Variants in CDH20 observed in about 807,000 individuals in gnomAD.
CDH20 encodes cadherin 20.
In CDH20, 29 loss-of-function variants were observed where a neutral mutation model predicts 74.2. That is an observed-to-expected ratio of 0.39 (90% CI 0.29 to 0.53). CDH20 has a LOEUF of 0.53. CDH20 is among the 20% of genes least tolerant of loss of function. The probability of loss-of-function intolerance (pLI) is 0.69; values close to 1 mark genes in which losing one functional copy is unlikely to be tolerated. For synonymous variants in CDH20, 469 were observed against 405.4 expected (o/e 1.16, Z -1.88); for missense variants, 988 against 1,048.3 (o/e 0.94, Z 0.79).
chr18:61,411,477 C>A (rs952799435), intron 1 of CDH20, among the ~76,000 whole-genome samples: 3 of 151,988 alleles, frequency 2.0e-5, no homozygotes, highest in Non-Finnish European at 2.9e-5. Context: ...CAGCACAATT[C>A]GCAATTGCAA....
At chr18:61,518,606 C>A (rs1473247696) in intron 6 of CDH20, among the ~76,000 whole-genome samples, 1 of 151,250 alleles carries the variant, frequency 6.6e-6, no homozygotes, top group African/African-American at 2.5e-5. Context: ...ACAGAAACCC[C>A]ATCCAAAGTT....
intron 1 of CDH20, among the ~76,000 whole-genome samples, chr18:61,450,358 G>T (rs1170488151): frequency 1.4e-5 from 2 of 143,742 alleles, no homozygotes; most frequent in South Asian, 4.4e-4. Flanking sequence ...CACAGCCAGA[G>T]GAAAATGAAG....
chr18:61,547,022 C>G (rs1913272271), intron 10 of CDH20, among the ~76,000 whole-genome samples: 1 of 152,180 alleles, frequency 6.6e-6, no homozygotes, highest in South Asian at 2.1e-4. Flanking sequence ...AAGACCCTAT[C>G]TCTGAAAAAC....
At chr18:61,505,983 A>C (rs1208391714) in intron 5 of CDH20, among the ~76,000 whole-genome samples, 2 of 152,178 alleles carry the variant, frequency 1.3e-5, no homozygotes, top group East Asian at 3.9e-4. Flanking sequence ...TAGGAATTCC[A>C]TTTTGCTTCT....
intron 1 of CDH20, among the ~76,000 whole-genome samples, chr18:61,364,324 T>C (rs939336317): frequency 2.0e-5 from 3 of 151,950 alleles, no homozygotes; most frequent in African/African-American, 4.8e-5. Flanking sequence ...GTTTGTTTGT[T>C]TGTTTTAGAC....
Position 61,430,423 on chromosome 18 carries a change from T to C in CDH20, c.-152-59979T>C, listed in dbSNP as rs149315372. Among the ~76,000 whole-genome samples the C allele has an allele frequency of 9.2e-5, 14 of 152,280 alleles. No individual in the cohort carries two copies. In the South Asian group the frequency reaches 1.7e-3, roughly 18 times the overall value. On this transcript the variant is annotated intron_variant, in intron 1 of 11. Coordinates refer to ENST00000262717, the MANE Select transcript of CDH20 (RefSeq NM_031891.4). ...TACCAACATGGCATCACTGTTGATGTTAACCTTGCTCACCTTTCTGATACA... is the reference window on the plus strand; with the variant it reads ...TACCAACATGGCATCACTGTTGATGCTAACCTTGCTCACCTTTCTGATACA...
chr18:61,375,847 C>T (rs181477289), intron 1 of CDH20, among the ~76,000 whole-genome samples: 153 of 152,226 alleles, frequency 1.0e-3, no homozygotes, highest in African/African-American at 3.4e-3. Context: ...TAATCTCTTA[C>T]ATTTTCCAGG....
At chr18:61,497,449 C>A (rs76672784) in intron 2 of CDH20, among the ~76,000 whole-genome samples, 238 of 152,266 alleles carry the variant, frequency 1.6e-3, no homozygotes, top group Middle Eastern at 3.4e-3. Context: ...ATGCTTCAGG[C>A]GGCCTTCTGC....
chr18:61,458,315 T>G (rs1909648672), intron 1 of CDH20, among the ~76,000 whole-genome samples: 1 of 152,208 alleles, frequency 6.6e-6, no homozygotes, highest in Admixed American at 6.5e-5. Context: ...TAAAAAGAAC[T>G]CCAAAACACC....
intron 1 of CDH20, among the ~76,000 whole-genome samples, chr18:61,352,669 T>A (rs1244982299): frequency 6.6e-6 from 1 of 152,216 alleles, no homozygotes; most frequent in Non-Finnish European, 1.5e-5. Context: ...CTGGACCACA[T>A]TGGCAAATAA....
At chr18:61,484,355 G>A (rs1189172377) in intron 1 of CDH20, among the ~76,000 whole-genome samples, 1 of 152,132 alleles carries the variant, frequency 6.6e-6, no homozygotes, top group African/African-American at 2.4e-5. Flanking sequence ...GAAAACTGGA[G>A]GAAGGGTAAA....
chr18:61,496,125 CCTCTCTCCTCCCTTCCTCTCCT>C, intron 2 of CDH20, among the ~76,000 whole-genome samples: 1 of 56,182 alleles, frequency 1.8e-5, no homozygotes, highest in Non-Finnish European at 3.8e-5. Context: ...TTCCTCTCCC[CCTCTCTCCTCCCTTCCTCTCCT>C]CCTCTCTCCT....
At chr18:61,464,001 G>A (rs1183654712) in intron 1 of CDH20, among the ~76,000 whole-genome samples, 2 of 152,122 alleles carry the variant, frequency 1.3e-5, no homozygotes, top group Non-Finnish European at 2.9e-5. Context: ...CATATGTAAA[G>A]CACCCAGCAT....
rs1913572311 is a variant in CDH20 at position 61,554,739 on chromosome 18, C to T, written c.*44C>T. 1.3e-6 allele frequency: 2 copies of T among 1,493,196 alleles called. No individual in the cohort carries two copies. Among genetic ancestry groups the T allele is most frequent in the East Asian group, 4.9e-5 (2 of 40,986 alleles). 92.5% of individuals were successfully genotyped at this position (1,493,196 alleles called of 1,614,324 possible). A position where few individuals can be genotyped will look rare whatever the true frequency, so the allele number is the denominator to read the frequency against. Reference sequence around the variant, plus strand: ...CGCGCGTCCAAATCCAGACGTTCTCCGCGGGTGCTTCGCGGACAAGGTGCA... The same window carrying T: ...CGCGCGTCCAAATCCAGACGTTCTCTGCGGGTGCTTCGCGGACAAGGTGCA... On this transcript the variant is annotated 3_prime_UTR_variant, in exon 12 of 12. Transcript: ENST00000262717.
intron 6 of CDH20, among the ~76,000 whole-genome samples, chr18:61,508,754 A>T (rs1409430557): frequency 6.6e-6 from 1 of 152,136 alleles, no homozygotes; most frequent in Non-Finnish European, 1.5e-5. Flanking sequence ...CTCCTGCTTC[A>T]GCCTCCCGAG....
At chr18:61,501,791 G>A (rs559786024) in intron 4 of CDH20, among the ~76,000 whole-genome samples, 4 of 152,138 alleles carry the variant, frequency 2.6e-5, no homozygotes, top group Non-Finnish European at 5.9e-5. Flanking sequence ...AGAATGAAGA[G>A]AGGAAGGGTG....
chr18:61,437,403 T>C (rs1192163590), intron 1 of CDH20, among the ~76,000 whole-genome samples: 24 of 152,196 alleles, frequency 1.6e-4, no homozygotes. Context: ...TGAGAATGCA[T>C]AAAATATTAT....
intron 1 of CDH20, among the ~76,000 whole-genome samples, chr18:61,414,931 C>T (rs1912636312): frequency 6.6e-6 from 1 of 152,196 alleles, no homozygotes; most frequent in African/African-American, 2.4e-5. Context: ...ATCTCCAGAA[C>T]TTCGTATTTC....
At chr18:61,379,792 A>T (rs1215646972) in intron 1 of CDH20, among the ~76,000 whole-genome samples, 1 of 152,162 alleles carries the variant, frequency 6.6e-6, no homozygotes, top group African/African-American at 2.4e-5. Flanking sequence ...AGAGTTTCAC[A>T]TACATGAGAT....
Sources: gnomAD v4.1 joint callset for allele counts (sites outside exome capture counted in the v4.1 genomes callset) on GRCh38, gnomAD v4.1.1 for gene constraint, MANE v1.5 for transcripts, NCBI Gene and HGNC (gene_info 2026-07-23, HGNC 2026-07-21) for gene names.